PTPRC: variants seen among roughly 807,000 people sequenced by gnomAD.
The protein encoded by PTPRC is receptor-type tyrosine-protein phosphatase C.
Under a neutral mutation model 155.9 loss-of-function variants are expected in PTPRC, and 44 were observed. The ratio of observed to expected loss-of-function variants is 0.28; its 90% CI spans 0.22 to 0.36. PTPRC has a LOEUF of 0.36. PTPRC is among the 10% of genes least tolerant of loss of function. The pLI is 1.00. For missense variants in PTPRC, 1,401 were observed against 1,564.6 expected (o/e 0.90, Z 1.76); for synonymous variants, 525 against 533.1 (o/e 0.98, Z 0.21).
intron 29 of PTPRC, among the ~76,000 whole-genome samples, chr1:198,751,998 G>T (rs1326674732): frequency 1.3e-5 from 2 of 152,046 alleles, no homozygotes; most frequent in African/African-American, 2.4e-5. Flanking sequence ...TGTTCCGGGG[G>T]TGTCCCAGTC....
chr1:198,696,874 A>G lies in PTPRC; in HGVS notation c.263A>G (p.Asp88Gly), dbSNP rs536748539. Residue 88 changes from aspartate to glycine, a missense_variant, in exon 4 of 33, where the codon GAC (aspartate) becomes GGC (glycine). By Grantham distance (94) the Asp-to-Gly change is moderately conservative. Around this residue, in one of 3 missense-constraint regions of PTPRC, gnomAD observed 867 missense variants for 970.4 expected, o/e 0.89. Coordinates refer to ENST00000442510, the MANE Select transcript of PTPRC (RefSeq NM_002838.5). Reference protein sequence around the residue: ...PDNTSTQVSPDSLDNASAFNT... With the variant: ...PDNTSTQVSPGSLDNASAFNT... ...AATACTTCCACCCAAGTATCCCCGG[A>G]CTCTTTGGATAATGCTAGTGCTTTT... The G allele has an allele frequency of 1.2e-6, 2 of 1,613,952 alleles. No individual in the cohort carries two copies. The highest frequency in any genetic ancestry group is 4.5e-5 in the East Asian group (2 of 44,868).
In PTPRC at chr1:198,728,571, GC is replaced by G. The variant is rs1161850686; in HGVS notation, c.1829+126del. 17 of 1,154,882 alleles carry G rather than the reference GC, an allele frequency of 1.5e-5. No individual in the cohort carries two copies. The Admixed American group carries it at 4.5e-4, about 30-fold the overall frequency. The allele number at this position is 1,154,882 out of a possible 1,614,324, so 71.5% of individuals were successfully genotyped here. A position where few individuals can be genotyped will look rare whatever the true frequency, so the allele number is the denominator to read the frequency against. On this transcript the variant is annotated intron_variant, in intron 16 of 32. Coordinates refer to ENST00000442510, the MANE Select transcript of PTPRC (RefSeq NM_002838.5). ...TGAACTAGAGAGAAGACAGCATACAGCCCACTTCATGACACAACTTTTAATC... is the reference window on the plus strand; with the variant it reads ...TGAACTAGAGAGAAGACAGCATACAGCCACTTCATGACACAACTTTTAATC...
intron 7 of PTPRC, 127 bp from the exon 8 acceptor site, chr1:198,704,345 A>T: frequency 6.6e-7 from 1 of 1,514,672 alleles, no homozygotes; most frequent in Non-Finnish European, 9.0e-7. Flanking sequence ...AATCCTTCAT[A>T]TTCTGTTAAA....
chr1:198,753,880 T>G (rs895202946), intron 31 of PTPRC, among the ~76,000 whole-genome samples: 1 of 152,024 alleles, frequency 6.6e-6, no homozygotes, highest in Non-Finnish European at 1.5e-5. Flanking sequence ...TTACAAAATA[T>G]TAGGTCTAAT....
At chr1:198,642,925 T>C (rs1295057133) in intron 2 of PTPRC, among the ~76,000 whole-genome samples, 1 of 147,824 alleles carries the variant, frequency 6.8e-6, no homozygotes, top group African/African-American at 2.5e-5. Context: ...TCTTTCTTTC[T>C]TTCTTTCTTT....
chr1:198,663,028 T>A (rs916633861), intron 2 of PTPRC, among the ~76,000 whole-genome samples: 1 of 152,132 alleles, frequency 6.6e-6, no homozygotes, highest in African/African-American at 2.4e-5. Flanking sequence ...AAAGGGGAGA[T>A]TGAGCATCTG....
intron 12 of PTPRC, among the ~76,000 whole-genome samples, chr1:198,715,223 C>G (rs74433349): frequency 0.044 from 6,699 of 151,914 alleles, 193 homozygotes; most frequent in East Asian, 0.14. Context: ...CCCAGGTTCA[C>G]GCCATTCTCC....
Position 198,639,318 on chromosome 1 carries a change from T to C in PTPRC, c.50T>C (p.Leu17Pro). 6.2e-7 allele frequency: 1 copy of C among 1,613,044 alleles called. No homozygotes were observed. The highest frequency in any genetic ancestry group is 8.5e-7 in the Non-Finnish European group (1 of 1,179,128). Reference sequence around the variant, plus strand: ...CTCTTGGCATTTGGCTTTGCCTTTCTGGACACAGAAGTATTTGTGACAGGT... The same window carrying C: ...CTCTTGGCATTTGGCTTTGCCTTTCCGGACACAGAAGTATTTGTGACAGGT... ...LKLLAFGFAF[L>P]DTEVFVTGQS... Residue 17 changes from leucine (L) to proline (P), a missense_variant, in exon 2 of 33, where the codon CTG becomes CCG. By Grantham distance (98) the Leu-to-Pro change is moderately conservative (BLOSUM62 -3). Around this residue, in one of 3 missense-constraint regions of PTPRC, gnomAD observed 867 missense variants for 970.4 expected, o/e 0.89. Transcript: ENST00000442510.
chr1:198,667,684 T>C (rs1295704336), intron 2 of PTPRC, among the ~76,000 whole-genome samples: 2 of 152,224 alleles, frequency 1.3e-5, no homozygotes, highest in Non-Finnish European at 2.9e-5. Context: ...GTCTCTGCCT[T>C]GAAAACATAT....
chr1:198,746,783 G>C (rs1362113441), intron 26 of PTPRC, among the ~76,000 whole-genome samples: 1 of 151,758 alleles, frequency 6.6e-6, no homozygotes, highest in African/African-American at 2.4e-5. Context: ...CAGGGCATAG[G>C]CTGCCTCGGT....
intron 2 of PTPRC, among the ~76,000 whole-genome samples, chr1:198,659,659 T>C (rs2359943): frequency 0.77 from 116,104 of 151,214 alleles, 45,537 homozygotes; most frequent in African/African-American, 0.92. Flanking sequence ...CTCGGACTTC[T>C]GAGTAGCTGG....
Position 198,756,867 on chromosome 1 carries a change from C to T in PTPRC, c.*686C>T, listed in dbSNP as rs1655701969. On this transcript the variant is annotated 3_prime_UTR_variant, in exon 33 of 33. Coordinates refer to ENST00000442510, the MANE Select transcript of PTPRC (RefSeq NM_002838.5). ...ATTAAAAAATTTCCAGTGAGCTTATCATGCTGTCTTTACATGGGGTTTTCA... is the reference window on the plus strand; with the variant it reads ...ATTAAAAAATTTCCAGTGAGCTTATTATGCTGTCTTTACATGGGGTTTTCA... 1 of 151,856 alleles carries T rather than the reference C, an allele frequency of 6.6e-6. No homozygotes were observed. Among genetic ancestry groups the T allele is most frequent in the South Asian group, 2.1e-4 (1 of 4,824 alleles). The allele number at this position is 151,856 out of a possible 1,614,324, so 9.4% of individuals were successfully genotyped here. A position where few individuals can be genotyped will look rare whatever the true frequency, so the allele number is the denominator to read the frequency against.
intron 11 of PTPRC, 126 bp downstream of exon 11, chr1:198,709,950 T>A: frequency 7.6e-7 from 1 of 1,318,608 alleles, no homozygotes; most frequent in Non-Finnish European, 1.0e-6. Flanking sequence ...ATATGCTTTT[T>A]ATTTCAATGA....
intron 15 of PTPRC, among the ~76,000 whole-genome samples, chr1:198,727,943 CT>C (rs1654215115): frequency 6.6e-6 from 1 of 152,138 alleles, no homozygotes; most frequent in South Asian, 2.1e-4. Context: ...AGGCTACCCA[CT>C]TCTGCATATA....
intron 3 of PTPRC, chr1:198,694,982 G>C (rs980787395): frequency 1.4e-4 from 141 of 978,038 alleles, no homozygotes; most frequent in Non-Finnish European, 1.6e-4. Flanking sequence ...TGAAAATCTA[G>C]AGATTGAAGT....
Position 198,644,283 on chromosome 1 carries a change from CA to C in PTPRC, c.73+4945del, listed in dbSNP as rs540998064. On this transcript the variant is annotated intron_variant, in intron 2 of 32. Transcript: ENST00000442510. Reference sequence around the variant, plus strand: ...CAATCCCATAGCAGTGGCCTTTTACCAAAGGCTTAGTGCTATGACTTTTGCA... The same window carrying C: ...CAATCCCATAGCAGTGGCCTTTTACCAAGGCTTAGTGCTATGACTTTTGCA... Among the ~76,000 whole-genome samples the C allele has an allele frequency of 1.4e-3, 218 of 151,720 alleles. 1 individual carries two copies. Among genetic ancestry groups the C allele is most frequent in the Non-Finnish European group, 2.4e-3 (162 of 67,824 alleles).
At chr1:198,729,272 C>T in intron 17 of PTPRC, 101 bp downstream of exon 17, 5 of 1,302,348 alleles carry the variant, frequency 3.8e-6, no homozygotes, top group Middle Eastern at 2.9e-4. Flanking sequence ...GACAGAGTCT[C>T]ATTCTGTCTC....
At chr1:198,675,652 C>T (rs546732553) in intron 2 of PTPRC, among the ~76,000 whole-genome samples, 8 of 152,158 alleles carry the variant, frequency 5.3e-5, no homozygotes, top group South Asian at 4.1e-4. Flanking sequence ...ATACATGAGA[C>T]GTAAGACTAT....
At chr1:198,745,391 T>C (rs949447805) in intron 26 of PTPRC, among the ~76,000 whole-genome samples, 9 of 151,696 alleles carry the variant, frequency 5.9e-5, no homozygotes, top group African/African-American at 1.9e-4. Flanking sequence ...TTGGTAAATT[T>C]GGTATTGGGA....
Sources: allele counts gnomAD v4.1 joint callset (sites outside exome capture counted in the v4.1 genomes callset), GRCh38; gene constraint gnomAD v4.1.1; regional missense constraint gnomAD v4.1.1; transcripts MANE v1.5; gene names NCBI Gene and HGNC (gene_info 2026-07-23, HGNC 2026-07-21).